The following LRP1B variants were observed in gnomAD, a reference collection of about 807,000 sequenced individuals.
LRP1B encodes LDL receptor related protein 1B, also known as low-density lipoprotein receptor-related protein 1B.
A neutral mutation model predicts 556.6 loss-of-function variants in LRP1B; 217 were observed. The ratio of observed to expected loss-of-function variants is 0.39; its 90% CI spans 0.35 to 0.44. The LOEUF is 0.44. Ranked by LOEUF, LRP1B falls within the 20% of genes least tolerant of loss-of-function variation. The pLI is 1.00. For synonymous variants in LRP1B, 2,047 were observed against 1,865.8 expected (o/e 1.10, Z -2.50); for missense variants, 5,053 against 5,620.8 (o/e 0.90, Z 3.23).
intron 77 of LRP1B, among the ~76,000 whole-genome samples, chr2:140,347,033 T>C (rs991995028): frequency 6.6e-6 from 1 of 151,990 alleles, no homozygotes; most frequent in African/African-American, 2.4e-5. Flanking sequence ...TTTAGGTTTT[T>C]AGTGGTAAAA....
Position 141,730,711 on chromosome 2 carries a change from T to C in LRP1B, c.205+79568A>G, listed in dbSNP as rs144022343. On this transcript the variant is annotated intron_variant, in intron 2 of 90. Transcript: ENST00000389484. Reference sequence around the variant, plus strand: ...CATTATTAAGGGTGATAAAAAAAGCTTGCCTAAATTATGCAGTTTTTTGAT... The same window carrying C: ...CATTATTAAGGGTGATAAAAAAAGCCTGCCTAAATTATGCAGTTTTTTGAT... 1.8e-3 allele frequency among the ~76,000 whole-genome samples: 276 copies of C among 152,286 alleles called. 1 individual carries two copies. The highest frequency in any genetic ancestry group is 6.4e-3 in the African/African-American group (267 of 41,574).
rs117163789 is a variant in LRP1B at position 142,025,003 on chromosome 2, C to T, written c.82+105645G>A. ...CTAAAAAATTAGTAGTTTAATATAA[C>T]ATTAGGTATGTGTGGGAAAGAAAAC... On this transcript the variant is annotated intron_variant, in intron 1 of 90. Coordinates refer to ENST00000389484, the MANE Select transcript of LRP1B (RefSeq NM_018557.3). 2.9e-3 allele frequency among the ~76,000 whole-genome samples: 446 copies of T among 152,210 alleles called. 19 individuals are homozygous for T. In the East Asian group the frequency reaches 0.081, roughly 28 times the overall value.
chr2:140,838,703 T>C (rs1455769303), intron 31 of LRP1B, among the ~76,000 whole-genome samples: 1 of 152,062 alleles, frequency 6.6e-6, no homozygotes, highest in East Asian at 1.9e-4. Flanking sequence ...TTCTATTGTA[T>C]ATCCCATCAT....
At chr2:141,724,541 A>G (rs1280201930) in intron 2 of LRP1B, among the ~76,000 whole-genome samples, 1 of 151,902 alleles carries the variant, frequency 6.6e-6, no homozygotes, top group Non-Finnish European at 1.5e-5. Flanking sequence ...AATACAGATG[A>G]TATCTAAAAC....
At chr2:140,821,751 G>C (rs1254968119) in intron 31 of LRP1B, among the ~76,000 whole-genome samples, 1 of 152,086 alleles carries the variant, frequency 6.6e-6, no homozygotes, top group Non-Finnish European at 1.5e-5. Context: ...AAATAAAGGG[G>C]AGGCCGGGCG....
At chr2:140,968,248 T>G (rs1026596924) in intron 18 of LRP1B, among the ~76,000 whole-genome samples, 8 of 152,004 alleles carry the variant, frequency 5.3e-5, no homozygotes, top group African/African-American at 1.2e-4. Flanking sequence ...TTCTTCCTGG[T>G]TTAGTCTTGG....
chr2:140,674,859 T>A (rs1685615226), intron 41 of LRP1B, among the ~76,000 whole-genome samples: 1 of 152,234 alleles, frequency 6.6e-6, no homozygotes, highest in East Asian at 1.9e-4. Context: ...AATTCCTATT[T>A]GTTTCTTGAT....
rs67661603 is a variant in LRP1B at position 141,131,407 on chromosome 2, TTATATA to T, written c.1013+57008_1013+57013del. On this transcript the variant is annotated intron_variant, in intron 7 of 90. Coordinates refer to ENST00000389484, the MANE Select transcript of LRP1B (RefSeq NM_018557.3). ...GGTTACAAAATTATAATGCATAAAGTTATATATATATATATATATATATTTGCTCTT... is the reference window on the plus strand; with the variant it reads ...GGTTACAAAATTATAATGCATAAAGTTATATATATATATATATTTGCTCTT... Among the ~76,000 whole-genome samples the T allele has an allele frequency of 3.8e-3, 419 of 110,692 alleles. 11 individuals are homozygous for T. The highest frequency in any genetic ancestry group is 0.015 in the Middle Eastern group (2 of 134). The allele number at this position is 110,692 out of a possible 152,430, so 72.6% of individuals were successfully genotyped here. A position where few individuals can be genotyped will look rare whatever the true frequency, so the allele number is the denominator to read the frequency against.
intron 2 of LRP1B, among the ~76,000 whole-genome samples, chr2:141,606,990 T>A (rs1228666308): frequency 6.6e-6 from 1 of 152,062 alleles, no homozygotes; most frequent in African/African-American, 2.4e-5. Context: ...CCTCCCTCCC[T>A]CCCTTCCTTC....
intron 1 of LRP1B, among the ~76,000 whole-genome samples, chr2:142,104,693 A>G (rs1706686118): frequency 6.6e-6 from 1 of 152,148 alleles, no homozygotes; most frequent in South Asian, 2.1e-4. Context: ...TCTTCAGCTC[A>G]CCAGAGTTAC....
chr2:140,432,799 G>A (rs1157203193), intron 66 of LRP1B, among the ~76,000 whole-genome samples: 2 of 152,192 alleles, frequency 1.3e-5, no homozygotes, highest in African/African-American at 4.8e-5. Flanking sequence ...ATGGCTGACA[G>A]ACATACCTGT....
intron 6 of LRP1B, among the ~76,000 whole-genome samples, chr2:141,198,975 T>C (rs1681879196): frequency 1.3e-5 from 2 of 152,290 alleles, no homozygotes; most frequent in East Asian, 3.9e-4. Context: ...TTATCTCTTC[T>C]GGATGGCTAC....
intron 1 of LRP1B, among the ~76,000 whole-genome samples, chr2:142,078,447 T>A (rs1374948930): frequency 6.6e-6 from 1 of 152,178 alleles, no homozygotes. Context: ...AATTGTACAG[T>A]ATGCTGTTGA....
chr2:142,024,320 G>GTT (rs1179304675), intron 1 of LRP1B, among the ~76,000 whole-genome samples: 1 of 152,168 alleles, frequency 6.6e-6, no homozygotes, highest in African/African-American at 2.4e-5. Context: ...TATTTTAACA[G>GTT]TTTAGGGCAT....
intron 1 of LRP1B, among the ~76,000 whole-genome samples, chr2:142,007,557 A>T (rs1292564065): frequency 6.6e-6 from 1 of 152,226 alleles, no homozygotes; most frequent in Non-Finnish European, 1.5e-5. Context: ...GAAGCCAGCC[A>T]GAAGGAAAGA....
chr2:140,648,700 G>T (rs532128476), intron 41 of LRP1B, among the ~76,000 whole-genome samples: 9 of 152,292 alleles, frequency 5.9e-5, no homozygotes, highest in African/African-American at 2.2e-4. Flanking sequence ...ATAGCTTGAA[G>T]AATGGAAAGA....
At chr2:141,480,870 A>G (rs770737576) in intron 2 of LRP1B, among the ~76,000 whole-genome samples, 15 of 152,148 alleles carry the variant, frequency 9.9e-5, no homozygotes, top group Non-Finnish European at 1.9e-4. Context: ...AGGGTACTTA[A>G]ACTCCTTGAA....
chr2:140,870,659 T>C (rs1391329532), intron 25 of LRP1B, among the ~76,000 whole-genome samples: 1 of 152,296 alleles, frequency 6.6e-6, no homozygotes, highest in East Asian at 1.9e-4. Context: ...GACAATATTT[T>C]GTTGATAAAT....
chr2:141,596,610 T>A (rs571916789), intron 2 of LRP1B, among the ~76,000 whole-genome samples: 1 of 152,068 alleles, frequency 6.6e-6, no homozygotes, highest in Non-Finnish European at 1.5e-5. Context: ...TGTGATGAAC[T>A]TAATTACATT....
Sources: gnomAD v4.1 joint callset for allele counts (sites outside exome capture counted in the v4.1 genomes callset) on GRCh38, gnomAD v4.1.1 for gene constraint, MANE v1.5 for transcripts, NCBI Gene and HGNC (gene_info 2026-07-23, HGNC 2026-07-21) for gene names.